Variants in ASTN2 observed in about 807,000 individuals in gnomAD.
ASTN2 encodes the protein astrotactin 2, also known as astrotactin-2.
In ASTN2, 54 loss-of-function variants were observed where a neutral mutation model predicts 139.8. That is an observed-to-expected ratio of 0.39 (90% CI 0.31 to 0.48). The LOEUF (loss-of-function observed/expected upper bound fraction) is 0.48, where lower values mean the gene tolerates loss of function less well. Among genes scored for constraint, ASTN2 ranks in the 20% least tolerant of loss-of-function variants. ASTN2 has a pLI of 0.95. For missense variants in ASTN2, 1,565 were observed against 1,725.1 expected, an observed-to-expected ratio of 0.91 and a Z score of 1.64; for synonymous variants, 756 against 719.5, an observed-to-expected ratio of 1.05 and a Z score of -0.81.
intron 6 of ASTN2, among the ~76,000 whole-genome samples, chr9:117,020,257 T>G (rs1472604380): frequency 6.6e-6 from 1 of 152,032 alleles, no homozygotes; most frequent in African/African-American, 2.4e-5. Flanking sequence ...AACACCAACT[T>G]CAGAAGATTT....
intron 7 of ASTN2, among the ~76,000 whole-genome samples, chr9:116,978,468 G>A (rs1210658158): frequency 1.4e-5 from 2 of 143,254 alleles, no homozygotes; most frequent in African/African-American, 5.5e-5. Context: ...CTCTCTGTAT[G>A]TATCTCTCTC....
intron 6 of ASTN2, among the ~76,000 whole-genome samples, chr9:117,019,103 T>C (rs531053188): frequency 6.6e-6 from 1 of 151,994 alleles, no homozygotes; most frequent in South Asian, 2.1e-4. Context: ...TCAACATACA[T>C]CTCTCATTAC....
intron 20 of ASTN2, among the ~76,000 whole-genome samples, chr9:116,466,493 T>C (rs927940327): frequency 6.6e-6 from 1 of 152,222 alleles, no homozygotes; most frequent in Admixed American, 6.5e-5. Context: ...GCCCATTCTC[T>C]CTGTGACCTT....
chr9:116,683,980 TAGTCCCTGTACAAGGTTCTGTCATAC>T (rs1411636700), intron 16 of ASTN2, among the ~76,000 whole-genome samples: 1 of 152,190 alleles, frequency 6.6e-6, no homozygotes, highest in Non-Finnish European at 1.5e-5. Context: ...ACCTTGTCTA[TAGTCCCTGTACAAGGTTCTGTCATAC>T]AGTCCCTGTA....
chr9:116,846,812 G>A (rs374476191), intron 11 of ASTN2, among the ~76,000 whole-genome samples: 1 of 151,920 alleles, frequency 6.6e-6, no homozygotes, highest in Admixed American at 6.6e-5. Flanking sequence ...GTAGGTTCTC[G>A]CAGTAGGCAG....
intron 2 of ASTN2, among the ~76,000 whole-genome samples, chr9:117,260,015 C>T (rs961468900): frequency 5.3e-5 from 8 of 152,072 alleles, no homozygotes; most frequent in African/African-American, 1.9e-4. Flanking sequence ...ACTTCCTGTC[C>T]TTCTTTCTTC....
Position 116,472,914 on chromosome 9 carries a change from G to A in ASTN2, c.3497+14445C>T, listed in dbSNP as rs7040901. The stretch of plus-strand genomic sequence containing the variant: ...TGCACTCCAGCCTGGGCAACAGAGC[G>A]AGACTCTGTCTTGGAAAAAAAAAAA... On this transcript the variant is annotated intron_variant, in intron 20 of 22. Coordinates refer to ENST00000313400, the MANE Select transcript of ASTN2 (RefSeq NM_001365068.1). Among the ~76,000 whole-genome samples, 740 of 130,588 alleles carry A rather than the reference G, an allele frequency of 5.7e-3. 5 individuals are homozygous for A. The highest frequency in any genetic ancestry group is 0.02 in the African/African-American group (717 of 36,760). 85.7% of individuals were successfully genotyped at this position (130,588 alleles called of 152,430 possible).
Position 116,820,706 on chromosome 9 carries a change from G to A in ASTN2, c.2118C>T (p.Gly706=). Reference sequence around the variant, plus strand: ...ACAGCTGCTCACAGCCGCCATTAAAGCCATCAGAGCAGTCAATGCCTTTGG... The same window carrying A: ...ACAGCTGCTCACAGCCGCCATTAAAACCATCAGAGCAGTCAATGCCTTTGG... The part of the protein sequence containing the change: ...DHSKGIDCSD[G]FNGGCEQLCL... The change falls in exon 12 of 23, where the codon GGC becomes GGT. Residue 706 remains glycine, a synonymous_variant. Transcript: ENST00000313400. 6 of 1,614,240 alleles carry A rather than the reference G, an allele frequency of 3.7e-6. No homozygotes were observed. In the South Asian group the frequency reaches 6.6e-5, roughly 18 times the overall value.
intron 7 of ASTN2, among the ~76,000 whole-genome samples, chr9:116,999,284 T>TC (rs1837114577): frequency 6.6e-6 from 1 of 152,204 alleles, no homozygotes; most frequent in Non-Finnish European, 1.5e-5. Context: ...TTGCCACTAA[T>TC]TTACGGTGTG....
intron 1 of ASTN2, among the ~76,000 whole-genome samples, chr9:117,334,029 T>C (rs1186874787): frequency 6.6e-6 from 1 of 152,208 alleles, no homozygotes; most frequent in East Asian, 1.9e-4. Context: ...AACTTTTCTT[T>C]GTAAAGAGCC....
chr9:116,486,665 C>G (rs1849347982), intron 20 of ASTN2, among the ~76,000 whole-genome samples: 1 of 152,140 alleles, frequency 6.6e-6, no homozygotes, highest in South Asian at 2.1e-4. Flanking sequence ...CTATAAAGCT[C>G]TATGTTATAG....
At chr9:117,121,857 G>A (rs1829566754) in intron 4 of ASTN2, among the ~76,000 whole-genome samples, 1 of 152,124 alleles carries the variant, frequency 6.6e-6, no homozygotes, top group African/African-American at 2.4e-5. Context: ...AGGGAGTGAG[G>A]GTAGACGTGC....
At chr9:117,335,889 A>C (rs1828866304) in intron 1 of ASTN2, among the ~76,000 whole-genome samples, 3 of 152,114 alleles carry the variant, frequency 2.0e-5, no homozygotes, top group Admixed American at 6.5e-5. Flanking sequence ...CTCTCCCTTC[A>C]TGCTGCTATT....
intron 3 of ASTN2, among the ~76,000 whole-genome samples, chr9:117,168,837 T>C (rs1032670311): frequency 9.2e-5 from 14 of 152,164 alleles, no homozygotes; most frequent in Admixed American, 3.3e-4. Context: ...TTGCAGTTTG[T>C]TTTTTTCATG....
chr9:116,944,832 C>T (rs115178216), intron 10 of ASTN2, among the ~76,000 whole-genome samples: 2,786 of 152,032 alleles, frequency 0.018, 87 homozygotes, highest in African/African-American at 0.064. Context: ...TTATGAGGAA[C>T]TGGATTACAT....
chr9:116,592,882 T>C (rs1854431765), intron 19 of ASTN2, among the ~76,000 whole-genome samples: 1 of 152,328 alleles, frequency 6.6e-6, no homozygotes, highest in Middle Eastern at 3.4e-3. Flanking sequence ...CTTCATAATG[T>C]TGCCTTCCTT....
chr9:116,536,252 T>C (rs1851620654), intron 19 of ASTN2, among the ~76,000 whole-genome samples: 1 of 151,884 alleles, frequency 6.6e-6, no homozygotes, highest in South Asian at 2.1e-4. Flanking sequence ...TAGTTAGCCA[T>C]TCTTCTAATC....
intron 14 of ASTN2, among the ~76,000 whole-genome samples, chr9:116,731,267 C>T (rs974076676): frequency 2.0e-5 from 3 of 151,246 alleles, no homozygotes; most frequent in Non-Finnish European, 4.4e-5. Flanking sequence ...AGGAAATCTC[C>T]AAGGATCCTT....
At chr9:116,565,427 A>ATATATT (rs1554714243) in intron 19 of ASTN2, among the ~76,000 whole-genome samples, 41 of 73,994 alleles carry the variant, frequency 5.5e-4, no homozygotes, top group African/African-American at 1.4e-3. Context: ...ATATATATAT[A>ATATATT]TATTTATTTA....
Sources: gnomAD v4.1 joint callset for allele counts (sites outside exome capture counted in the v4.1 genomes callset) on GRCh38, gnomAD v4.1.1 for gene constraint, MANE v1.5 for transcripts, NCBI Gene and HGNC (gene_info 2026-07-23, HGNC 2026-07-21) for gene names.